The following MTMR12 variants were observed in gnomAD, a reference collection of about 807,000 sequenced individuals.
MTMR12 encodes the protein myotubularin related protein 12, also known as myotubularin-related protein 12.
In MTMR12, 33 loss-of-function variants were observed where a neutral mutation model predicts 96.7. The ratio of observed to expected loss-of-function variants is 0.34; its 90% CI spans 0.26 to 0.46. The LOEUF is 0.46. Ranked by LOEUF, MTMR12 falls within the 20% of genes least tolerant of loss-of-function variation. The pLI, the probability that MTMR12 is intolerant of heterozygous loss-of-function variation, is 1.00. For synonymous variants in MTMR12, 298 were observed against 327.2 expected (o/e 0.91, Z 0.96); for missense variants, 721 against 896.1 (o/e 0.80, Z 2.49).
In MTMR12 at chr5:32,270,897, C is replaced by T; in HGVS notation, c.409G>A (p.Glu137Lys). The T allele has an allele frequency of 3.1e-6, 5 of 1,614,040 alleles. No individual in the cohort carries two copies. Among genetic ancestry groups the T allele is most frequent in the African/African-American group, 1.3e-5 (1 of 75,038 alleles). The change falls in exon 5 of 16, where the codon GAG (glutamate) becomes AAG (lysine). Residue 137 changes from glutamate (E) to lysine (K), a missense_variant. Physicochemically the swap from Glu to Lys is moderately conservative, Grantham distance 56 (BLOSUM62 1). Coordinates refer to ENST00000382142, the MANE Select transcript of MTMR12 (RefSeq NM_001040446.3). ...TCTTTGCAGTGGATGATGAGCTTCT[C>T]AGGGTATTTCTTCAGTTGTCCAAAG... The part of the protein sequence containing the change: ...TLFGQLKKYP[E>K]KLIIHCKDLR...
chr5:32,291,156 T>C (rs546187994), intron 1 of MTMR12, among the ~76,000 whole-genome samples: 1 of 152,276 alleles, frequency 6.6e-6, no homozygotes, highest in African/African-American at 2.4e-5. Flanking sequence ...GGGAGTTCCC[T>C]ATGATCAGAT....
At chr5:32,268,939 A>T in intron 5 of MTMR12, 145 bp from the exon 6 acceptor site, 1 of 570,766 alleles carries the variant, frequency 1.8e-6, no homozygotes, top group Admixed American at 2.9e-5. Context: ...ATCTGTATCT[A>T]TGACATTAGC....
intron 7 of MTMR12, among the ~76,000 whole-genome samples, chr5:32,262,457 C>A (rs1165448573): frequency 6.6e-6 from 1 of 151,934 alleles, no homozygotes; most frequent in Non-Finnish European, 1.5e-5. Context: ...AAAAATTAGA[C>A]AGGCATGGTG....
intron 14 of MTMR12, 92 bp downstream of exon 14, chr5:32,234,870 G>T: frequency 2.4e-6 from 3 of 1,270,490 alleles, no homozygotes; most frequent in Non-Finnish European, 2.2e-6. Context: ...GCTGCCAAGT[G>T]AGCACCATTT....
At chr5:32,311,516 T>C (rs1751596015) in intron 1 of MTMR12, among the ~76,000 whole-genome samples, 1 of 152,232 alleles carries the variant, frequency 6.6e-6, no homozygotes, top group Non-Finnish European at 1.5e-5. Context: ...CACGTGCTTC[T>C]GCATTACAGA....
intron 1 of MTMR12, among the ~76,000 whole-genome samples, chr5:32,280,401 C>G (rs1000424345): frequency 6.6e-6 from 1 of 152,148 alleles, no homozygotes; most frequent in African/African-American, 2.4e-5. Flanking sequence ...TGACACAGTG[C>G]TAAAAGGACA....
At position 32,255,718 on chromosome 5, in the gene MTMR12, T is replaced by C; in HGVS notation, c.764A>G (p.Gln255Arg). Residue 255 changes from glutamine (Q) to arginine (R), a missense_variant, in exon 8 of 16, where the codon CAG becomes CGG. Transcript: ENST00000382142. Reference sequence around the variant, plus strand: ...TGGTATGCCATGACCCTGAAAGCGCTGCACATTCTCTTCAGGAAGAGGGGT... The same window carrying C: ...TGGTATGCCATGACCCTGAAAGCGCCGCACATTCTCTTCAGGAAGAGGGGT... The part of the protein sequence containing the change: ...VPTPLPEENV[Q>R]RFQGHGIPIW... 6.2e-7 allele frequency: 1 copy of C among 1,612,850 alleles called. No homozygotes were observed. Among genetic ancestry groups the C allele is most frequent in the Non-Finnish European group, 8.5e-7 (1 of 1,179,570 alleles).
At chr5:32,279,953 A>G (rs1285522654) in intron 1 of MTMR12, among the ~76,000 whole-genome samples, 1 of 152,202 alleles carries the variant, frequency 6.6e-6, no homozygotes, top group Non-Finnish European at 1.5e-5. Flanking sequence ...GCTGGCACAG[A>G]CTAGTACCAG....
At chr5:32,310,243 C>T (rs1201451591) in intron 1 of MTMR12, among the ~76,000 whole-genome samples, 1 of 152,158 alleles carries the variant, frequency 6.6e-6, no homozygotes, top group East Asian at 1.9e-4. Context: ...GTGGAGGCTA[C>T]AGTGAGCTGT....
intron 1 of MTMR12, among the ~76,000 whole-genome samples, chr5:32,284,332 AAAAAAAG>A (rs1434148848): frequency 1.7e-3 from 264 of 151,666 alleles, no homozygotes; most frequent in African/African-American, 6.2e-3. Flanking sequence ...AAAAAAAAAA[AAAAAAAG>A]AATAGAAAAG....
At chr5:32,304,012 A>T (rs978012182) in intron 1 of MTMR12, among the ~76,000 whole-genome samples, 1 of 152,170 alleles carries the variant, frequency 6.6e-6, no homozygotes, top group African/African-American at 2.4e-5. Context: ...TAGGCTATAA[A>T]TTTTTACACA....
At chr5:32,242,240 T>C in intron 11 of MTMR12, 113 bp from the exon 12 acceptor site, 3 of 643,282 alleles carry the variant, frequency 4.7e-6, no homozygotes, top group Non-Finnish European at 5.0e-6. Context: ...TCTTATTTTT[T>C]TTTTTTCCAC....
intron 5 of MTMR12, among the ~76,000 whole-genome samples, chr5:32,269,263 C>G (rs536830645): frequency 7.9e-5 from 12 of 151,062 alleles, no homozygotes; most frequent in Non-Finnish European, 1.6e-4. Flanking sequence ...CTGACCTCAA[C>G]TGATCTACCT....
chr5:32,279,976 G>A (rs1750228942), intron 1 of MTMR12, among the ~76,000 whole-genome samples: 1 of 152,182 alleles, frequency 6.6e-6, no homozygotes, highest in South Asian at 2.1e-4. Flanking sequence ...CGCAGTCTAG[G>A]GGCTGGGGAC....
chr5:32,290,877 G>C (rs1750714977), intron 1 of MTMR12, among the ~76,000 whole-genome samples: 1 of 152,174 alleles, frequency 6.6e-6, no homozygotes, highest in Admixed American at 6.6e-5. Context: ...GCCCGTTACT[G>C]GGCTTTGGTA....
chr5:32,291,032 G>A (rs1750721037), intron 1 of MTMR12, among the ~76,000 whole-genome samples: 1 of 152,158 alleles, frequency 6.6e-6, no homozygotes. Context: ...ACACATGACT[G>A]GGCTCGAGCA....
At chr5:32,310,597 T>TA (rs1179486035) in intron 1 of MTMR12, among the ~76,000 whole-genome samples, 1 of 151,990 alleles carries the variant, frequency 6.6e-6, no homozygotes, top group Non-Finnish European at 1.5e-5. Context: ...AGCTAAAAAT[T>TA]AAAACATTTG....
rs1003387698 is a variant in MTMR12, at chr5:32,283,190, T to C, written c.82-6448A>G. The stretch of plus-strand genomic sequence containing the variant: ...TTAAAGGCTGTCCAAACTTTACAAT[T>C]GAATGAGTAAATATAATCTCTTTCT... On this transcript the variant is annotated intron_variant, in intron 1 of 15. Coordinates refer to ENST00000382142, the MANE Select transcript of MTMR12 (RefSeq NM_001040446.3). Among the ~76,000 whole-genome samples, 4 of 152,198 alleles carry C rather than the reference T, an allele frequency of 2.6e-5. No individual in the cohort carries two copies. In the South Asian group the frequency reaches 8.3e-4, roughly 31 times the overall value.
chr5:32,302,075 A>C (rs1203749126), intron 1 of MTMR12, among the ~76,000 whole-genome samples: 1 of 152,296 alleles, frequency 6.6e-6, no homozygotes, highest in East Asian at 1.9e-4. Context: ...CCCCACTTAT[A>C]CATAAGCCCT....
Sources: gnomAD v4.1 joint callset for allele counts (sites outside exome capture counted in the v4.1 genomes callset) on GRCh38, gnomAD v4.1.1 for gene constraint, MANE v1.5 for transcripts, NCBI Gene and HGNC (gene_info 2026-07-23, HGNC 2026-07-21) for gene names.